Variants in PTPRD observed in about 807,000 individuals in gnomAD.
PTPRD encodes protein tyrosine phosphatase receptor type D.
PTPRD carries 34 observed loss-of-function variants against 214.5 expected under a neutral mutation model. That is an observed-to-expected ratio of 0.16 (90% CI 0.12 to 0.21). The LOEUF (loss-of-function observed/expected upper bound fraction) is 0.21, where lower values mean the gene tolerates loss of function less well. Among genes scored for constraint, PTPRD ranks in the 10% least tolerant of loss-of-function variants. PTPRD has a pLI of 1.00. For missense variants in PTPRD, 2,545 were observed against 2,398.7 expected (o/e 1.06, Z -1.27); for synonymous variants, 1,128 against 845.7 (o/e 1.33, Z -5.79).
chr9:10,019,976 T>A (rs1272222769), intron 4 of PTPRD, among the ~76,000 whole-genome samples: 3 of 152,196 alleles, frequency 2.0e-5, no homozygotes, highest in Non-Finnish European at 4.4e-5. Context: ...TTAATTCATA[T>A]ACAGGTTAAT....
At chr9:9,649,632 A>G (rs1297493570) in intron 7 of PTPRD, among the ~76,000 whole-genome samples, 1 of 152,198 alleles carries the variant, frequency 6.6e-6, no homozygotes, top group East Asian at 1.9e-4. Flanking sequence ...TCTCACATCA[A>G]CGATCATATC....
At chr9:8,945,266 C>T (rs1418934929) in intron 11 of PTPRD, among the ~76,000 whole-genome samples, 4 of 151,892 alleles carry the variant, frequency 2.6e-5, no homozygotes, top group Non-Finnish European at 2.9e-5. Context: ...GTGAATCTCC[C>T]ACTTAAGGCC....
intron 3 of PTPRD, among the ~76,000 whole-genome samples, chr9:10,251,329 A>C (rs1255135933): frequency 6.6e-6 from 1 of 152,150 alleles, no homozygotes; most frequent in African/African-American, 2.4e-5. Context: ...CACAGATAAA[A>C]ATTAAGTAAA....
intron 7 of PTPRD, among the ~76,000 whole-genome samples, chr9:9,722,301 G>A (rs979095594): frequency 6.6e-6 from 1 of 151,836 alleles, no homozygotes; most frequent in Non-Finnish European, 1.5e-5. Flanking sequence ...GGATAATTCA[G>A]GTAAACATAA....
At chr9:8,437,782 TG>T (rs1243366693) in intron 34 of PTPRD, among the ~76,000 whole-genome samples, 9 of 151,870 alleles carry the variant, frequency 5.9e-5, no homozygotes, top group Admixed American at 2.0e-4. Context: ...AAAGCAGAGA[TG>T]GGGTGACACA....
At chr9:9,933,204 C>G (rs1368812727) in intron 5 of PTPRD, among the ~76,000 whole-genome samples, 1 of 152,170 alleles carries the variant, frequency 6.6e-6, no homozygotes, top group Non-Finnish European at 1.5e-5. Flanking sequence ...ATCATAATGA[C>G]AGGATCAAAT....
chr9:8,759,015 G>T (rs1444326574), intron 11 of PTPRD, among the ~76,000 whole-genome samples: 3 of 150,218 alleles, frequency 2.0e-5, no homozygotes, highest in African/African-American at 7.4e-5. Context: ...GCTCACAAAG[G>T]TGTTCTTTGG....
chr9:9,680,232 T>G (rs1216383533), intron 7 of PTPRD, among the ~76,000 whole-genome samples: 1 of 151,822 alleles, frequency 6.6e-6, no homozygotes, highest in East Asian at 1.9e-4. Context: ...CCTTTATCTT[T>G]GGTAATCTAC....
At chr9:9,156,853 T>C (rs955689622) in intron 10 of PTPRD, among the ~76,000 whole-genome samples, 1 of 152,188 alleles carries the variant, frequency 6.6e-6, no homozygotes, top group African/African-American at 2.4e-5. Flanking sequence ...ATCGTTTCTA[T>C]TCCTATTCCA....
intron 5 of PTPRD, among the ~76,000 whole-genome samples, chr9:9,779,314 G>C (rs375337407): frequency 2.0e-5 from 3 of 151,978 alleles, no homozygotes; most frequent in South Asian, 4.1e-4. Context: ...ATTTGGCTAA[G>C]TTCTGAAAGC....
intron 10 of PTPRD, among the ~76,000 whole-genome samples, chr9:9,139,374 T>A (rs1218139463): frequency 1.3e-5 from 2 of 152,192 alleles, no homozygotes; most frequent in African/African-American, 4.8e-5. Flanking sequence ...TAGTCCCAGT[T>A]TTCAATAACC....
intron 3 of PTPRD, among the ~76,000 whole-genome samples, chr9:10,184,305 A>C (rs934984335): frequency 2.6e-5 from 4 of 152,130 alleles, no homozygotes; most frequent in Non-Finnish European, 4.4e-5. Flanking sequence ...TGCGCCTGTA[A>C]TCCCAGCTGC....
rs116171666 is a variant in PTPRD, at chr9:9,955,430, G to A, written c.-471-16820C>T. Reference sequence around the variant, plus strand: ...TAAAATAAAACCTTGTCTTCTTACCGTTTGTTATATATCAATTTGGTACCC... The same window carrying A: ...TAAAATAAAACCTTGTCTTCTTACCATTTGTTATATATCAATTTGGTACCC... On this transcript the variant is annotated intron_variant, in intron 4 of 45. Coordinates refer to ENST00000381196, the MANE Select transcript of PTPRD (RefSeq NM_002839.4). Among the ~76,000 whole-genome samples, 1,213 of 151,442 alleles carry A rather than the reference G, an allele frequency of 8.0e-3. 14 individuals carry two copies. Among genetic ancestry groups the A allele is most frequent in the African/African-American group, 0.028 (1,149 of 41,312 alleles).
intron 2 of PTPRD, among the ~76,000 whole-genome samples, chr9:10,478,589 G>C (rs2099077743): frequency 6.6e-6 from 1 of 152,092 alleles, no homozygotes; most frequent in Non-Finnish European, 1.5e-5. Context: ...TAGTGAACTA[G>C]AGAAGTAGTT....
intron 44 of PTPRD, among the ~76,000 whole-genome samples, chr9:8,326,952 T>TATC (rs1332255538): frequency 6.8e-6 from 1 of 147,388 alleles, no homozygotes; most frequent in Non-Finnish European, 1.5e-5. Context: ...CTGTCTTTTC[T>TATC]ATCTATTTTG....
chr9:9,252,312 A>G (rs2099975814), intron 9 of PTPRD, among the ~76,000 whole-genome samples: 1 of 152,048 alleles, frequency 6.6e-6, no homozygotes, highest in African/African-American at 2.4e-5. Flanking sequence ...GGAAGAGAAG[A>G]ACGAGTTAAT....
intron 33 of PTPRD, among the ~76,000 whole-genome samples, chr9:8,459,330 G>C (rs2096310316): frequency 6.6e-6 from 1 of 152,002 alleles, no homozygotes; most frequent in African/African-American, 2.4e-5. Context: ...GTAGAAGGAT[G>C]AGATCAACTT....
intron 6 of PTPRD, among the ~76,000 whole-genome samples, chr9:9,746,646 T>C (rs2098460970): frequency 6.6e-6 from 1 of 152,056 alleles, no homozygotes; most frequent in Non-Finnish European, 1.5e-5. Context: ...TCTGAGAAGT[T>C]GGATGAGAAG....
intron 9 of PTPRD, among the ~76,000 whole-genome samples, chr9:9,254,632 T>C (rs1414510657): frequency 6.6e-6 from 1 of 151,948 alleles, no homozygotes; most frequent in Admixed American, 6.6e-5. Flanking sequence ...TGATTTGGAG[T>C]TGGTTCCTCT....
Sources: gnomAD v4.1 joint callset for allele counts (sites outside exome capture counted in the v4.1 genomes callset) on GRCh38, gnomAD v4.1.1 for gene constraint, MANE v1.5 for transcripts, NCBI Gene and HGNC (gene_info 2026-07-23, HGNC 2026-07-21) for gene names.